SYNDIG1: variants seen among roughly 807,000 people sequenced by gnomAD.
SYNDIG1 encodes the protein synapse differentiation inducing 1, also known as synapse differentiation-inducing gene protein 1.
Under a neutral mutation model 19.4 loss-of-function variants are expected in SYNDIG1, and 9 were observed. The ratio of observed to expected loss-of-function variants is 0.46; its 90% CI spans 0.28 to 0.81. The LOEUF (loss-of-function observed/expected upper bound fraction) is 0.81, where lower values mean the gene tolerates loss of function less well. Among genes scored for constraint, SYNDIG1 ranks in the 30% least tolerant of loss-of-function variants. The pLI is 0.12. For missense variants in SYNDIG1, 311 were observed against 343.3 expected (o/e 0.91, Z 0.74); for synonymous variants, 141 against 145.9 (o/e 0.97, Z 0.24).
intron 1 of SYNDIG1, chr20:24,502,066 T>C (rs2056468393): frequency 6.6e-6 from 1 of 152,296 alleles, no homozygotes; most frequent in Non-Finnish European, 1.5e-5. Context: ...TGAGTGAATG[T>C]CCTATACAGT....
chr20:24,560,807 A>G (rs907494762), intron 2 of SYNDIG1, among the ~76,000 whole-genome samples: 13 of 149,572 alleles, frequency 8.7e-5, no homozygotes, highest in African/African-American at 3.0e-4. Flanking sequence ...TGAATGATAT[A>G]GCATAGCAAT....
rs2059646083 is a variant in SYNDIG1 at position 24,666,246 on chromosome 20, G to C, written c.*742G>C. ...GGAGGCAGGCCACCGCCCCTCCCAAGACTCCTCAAGAAAGAGCCCCGCGGT... is the reference window on the plus strand; with the variant it reads ...GGAGGCAGGCCACCGCCCCTCCCAACACTCCTCAAGAAAGAGCCCCGCGGT... On this transcript the variant is annotated 3_prime_UTR_variant, in exon 4 of 4. Coordinates refer to ENST00000376862, the MANE Select transcript of SYNDIG1 (RefSeq NM_024893.3). The C allele has an allele frequency of 6.6e-6, 1 of 152,640 alleles. No individual in the cohort carries two copies. The highest frequency in any genetic ancestry group is 2.4e-5 in the African/African-American group (1 of 41,452). The allele number at this position is 152,640 out of a possible 1,614,324, so 9.5% of individuals were successfully genotyped here. A position where few individuals can be genotyped will look rare whatever the true frequency, so the allele number is the denominator to read the frequency against.
At chr20:24,611,134 G>A (rs377528555) in intron 3 of SYNDIG1, among the ~76,000 whole-genome samples, 316 of 152,046 alleles carry the variant, frequency 2.1e-3, no homozygotes, top group Non-Finnish European at 2.4e-3. Context: ...TCCAAACCAC[G>A]GCCCACGGCT....
At chr20:24,563,819 T>C (rs1395807270) in intron 2 of SYNDIG1, among the ~76,000 whole-genome samples, 1 of 152,174 alleles carries the variant, frequency 6.6e-6, no homozygotes, top group Admixed American at 6.5e-5. Context: ...CCCAGGCTGA[T>C]CTCACACTTT....
chr20:24,648,510 C>T (rs2059441520), intron 3 of SYNDIG1, among the ~76,000 whole-genome samples: 1 of 152,234 alleles, frequency 6.6e-6, no homozygotes, highest in African/African-American at 2.4e-5. Context: ...GCCAGGAATT[C>T]TTGCAGCAGG....
At chr20:24,478,748 G>A (rs764693673) in intron 1 of SYNDIG1, among the ~76,000 whole-genome samples, 1 of 152,192 alleles carries the variant, frequency 6.6e-6, no homozygotes. Context: ...GGCACCATGG[G>A]CAAGGGGAGG....
intron 1 of SYNDIG1, among the ~76,000 whole-genome samples, chr20:24,489,390 TACAGACACATGTGCAC>T (rs762043054): frequency 1.2e-4 from 17 of 145,708 alleles, no homozygotes; most frequent in African/African-American, 3.7e-4. Context: ...TGGACACAGA[TACAGACACATGTGCAC>T]ACAGACACAT....
At chr20:24,484,721 G>A (rs955390534) in intron 1 of SYNDIG1, among the ~76,000 whole-genome samples, 6 of 152,102 alleles carry the variant, frequency 3.9e-5, no homozygotes, top group African/African-American at 1.4e-4. Context: ...AGGTCTTTAG[G>A]TCACAAAATA....
At chr20:24,610,194 G>T (rs1568682866) in intron 3 of SYNDIG1, among the ~76,000 whole-genome samples, 2 of 152,086 alleles carry the variant, frequency 1.3e-5, no homozygotes, top group Non-Finnish European at 2.9e-5. Context: ...GGAGAGACGG[G>T]GTATCTTGAG....
chr20:24,474,355 A>C (rs1600369448), intron 1 of SYNDIG1, among the ~76,000 whole-genome samples: 1 of 152,244 alleles, frequency 6.6e-6, no homozygotes, highest in African/African-American at 2.4e-5. Flanking sequence ...AGGAAAATAG[A>C]AACTCTAAAG....
At chr20:24,482,602 A>G (rs568142729) in intron 1 of SYNDIG1, among the ~76,000 whole-genome samples, 1 of 152,328 alleles carries the variant, frequency 6.6e-6, no homozygotes, top group East Asian at 1.9e-4. Flanking sequence ...CATTTCTAAG[A>G]TACACGCAGA....
intron 3 of SYNDIG1, among the ~76,000 whole-genome samples, chr20:24,647,512 G>A (rs1421193346): frequency 6.6e-6 from 1 of 152,042 alleles, no homozygotes; most frequent in Non-Finnish European, 1.5e-5. Context: ...ATCCCAAAGT[G>A]CGGCACAGGG....
chr20:24,544,167 T>G (rs548498900), intron 2 of SYNDIG1, among the ~76,000 whole-genome samples: 1 of 152,326 alleles, frequency 6.6e-6, no homozygotes, highest in Admixed American at 6.5e-5. Context: ...TTGAATTACA[T>G]GCACAGAGAT....
intron 3 of SYNDIG1, among the ~76,000 whole-genome samples, chr20:24,620,823 T>C (rs185496362): frequency 3.9e-5 from 6 of 152,380 alleles, no homozygotes; most frequent in Admixed American, 1.3e-4. Context: ...ATTGTTTTCC[T>C]AAATACTTTA....
At position 24,530,503 on chromosome 20, in the gene SYNDIG1, A is replaced by G. The variant is rs566448742; in HGVS notation, c.-78-12517A>G. Among the ~76,000 whole-genome samples, 4 of 152,356 alleles carry G rather than the reference A, an allele frequency of 2.6e-5. No individual in the cohort carries two copies. In the East Asian group the frequency reaches 7.7e-4, roughly 29 times the overall value. ...TCACAGGCTTTTCTGTGTGTGCTAA[A>G]GGCAAATTTTAATTGTTTTAATGAG... On this transcript the variant is annotated intron_variant, in intron 1 of 3. Transcript: ENST00000376862.
intron 1 of SYNDIG1, among the ~76,000 whole-genome samples, chr20:24,525,559 C>T (rs1282739505): frequency 1.3e-5 from 2 of 152,108 alleles, no homozygotes; most frequent in African/African-American, 4.8e-5. Flanking sequence ...GCTGGGATTA[C>T]AGGCGTGAGC....
intron 2 of SYNDIG1, among the ~76,000 whole-genome samples, chr20:24,558,847 T>C (rs1224628782): frequency 2.0e-5 from 3 of 152,200 alleles, no homozygotes; most frequent in South Asian, 2.1e-4. Context: ...CATACTGTCA[T>C]GTATGTATTT....
At chr20:24,631,683 C>T (rs970225250) in intron 3 of SYNDIG1, among the ~76,000 whole-genome samples, 3 of 152,160 alleles carry the variant, frequency 2.0e-5, no homozygotes, top group African/African-American at 7.2e-5. Context: ...TGGAAACAAA[C>T]ATATCGGAAA....
chr20:24,499,216 G>A (rs1401881269), intron 1 of SYNDIG1, among the ~76,000 whole-genome samples: 1 of 152,138 alleles, frequency 6.6e-6, no homozygotes, highest in Non-Finnish European at 1.5e-5. Context: ...GTAGACATGG[G>A]GTTTCACCAT....
Sources: gnomAD v4.1 joint callset for allele counts (sites outside exome capture counted in the v4.1 genomes callset) on GRCh38, gnomAD v4.1.1 for gene constraint, MANE v1.5 for transcripts, NCBI Gene and HGNC (gene_info 2026-07-23, HGNC 2026-07-21) for gene names.